The following KCNQ1 variants were observed in gnomAD, a reference collection of about 807,000 sequenced individuals.
The protein encoded by KCNQ1 is potassium voltage-gated channel subfamily Q member 1.
A neutral mutation model predicts 72.4 loss-of-function variants in KCNQ1; 49 were observed. The observed-to-expected ratio is 0.68, with a 90% CI of 0.54 to 0.86. KCNQ1 has a LOEUF of 0.86. Among genes scored for constraint, KCNQ1 ranks in the 40% least tolerant of loss-of-function variants. KCNQ1 has a pLI of 0.00. For missense variants in KCNQ1, 790 were observed against 945.1 expected, an observed-to-expected ratio of 0.84 and a Z score of 2.15; for synonymous variants, 450 against 412.6, an observed-to-expected ratio of 1.09 and a Z score of -1.10.
intron 12 of KCNQ1, among the ~76,000 whole-genome samples, chr11:2,771,168 A>G (rs909448992): frequency 6.6e-6 from 1 of 152,218 alleles, no homozygotes; most frequent in Admixed American, 6.5e-5. Flanking sequence ...GGCTGCTTCC[A>G]AGGTCTGGGG....
rs1846179460 is a variant in KCNQ1, at chr11:2,748,850, T to C, written c.1515-19994T>C. Among the ~76,000 whole-genome samples, 2 of 152,240 alleles carry C rather than the reference T, an allele frequency of 1.3e-5. No homozygotes were observed. Among genetic ancestry groups the C allele is most frequent in the African/African-American group, 4.8e-5 (2 of 41,472 alleles). On this transcript the variant is annotated intron_variant, in intron 11 of 15. Transcript: ENST00000155840. The surrounding 1 kb of genome is among the most constrained non-coding windows in gnomAD (Gnocchi z 6.2). ...TGGGGGCCAAGATCCCCACCTCTGG[T>C]CTGGCAGCTGGGTGTGCAGGGGCAG...
chr11:2,621,407 G>A lies in KCNQ1; in HGVS notation c.1393+32553G>A. On this transcript the variant is annotated intron_variant, in intron 10 of 15. Transcript: ENST00000155840. This position sits in a 1 kb window ranked among gnomAD's most constrained non-coding sequence, Gnocchi z 5.7. ...CAATTGGATTATTCGTTTTTTGCTT[G>A]TTGATTGGTTTAAGTTCCTTATGGA... 2.5e-6 allele frequency: 1 copy of A among 398,556 alleles called. No individual in the cohort carries two copies. The highest frequency in any genetic ancestry group is 4.4e-6 in the Non-Finnish European group (1 of 226,040). 24.7% of individuals were successfully genotyped at this position (398,556 alleles called of 1,614,324 possible). A position where few individuals can be genotyped will look rare whatever the true frequency, so the allele number is the denominator to read the frequency against.
intron 15 of KCNQ1, among the ~76,000 whole-genome samples, chr11:2,802,817 G>A (rs1007794721): frequency 1.3e-5 from 2 of 152,208 alleles, no homozygotes; most frequent in Non-Finnish European, 2.9e-5. Flanking sequence ...CCCGGAATGG[G>A]GAAGCTGAGT....
Position 2,764,149 on chromosome 11 carries a change from T to G in KCNQ1, c.1515-4695T>G, listed in dbSNP as rs1846455988. 6.6e-6 allele frequency among the ~76,000 whole-genome samples: 1 copy of G among 152,174 alleles called. No individual in the cohort carries two copies. The highest frequency in any genetic ancestry group is 1.5e-5 in the Non-Finnish European group (1 of 68,020). On this transcript the variant is annotated intron_variant, in intron 11 of 15. Transcript: ENST00000155840. The surrounding 1 kb of genome is among the most constrained non-coding windows in gnomAD (Gnocchi z 4.8). ...AGGAAAGCGTATCACATTTCACTAT[T>G]AAGTATGATGTCTGCTTAGGGTTTG...
intron 2 of KCNQ1, among the ~76,000 whole-genome samples, chr11:2,530,215 G>C (rs1847595486): frequency 6.6e-6 from 1 of 152,154 alleles, no homozygotes; most frequent in Non-Finnish European, 1.5e-5. Context: ...ACCTGCCCAG[G>C]ATCCCCAAGT....
At chr11:2,736,861 C>T (rs1281153705) in intron 11 of KCNQ1, among the ~76,000 whole-genome samples, 3 of 152,188 alleles carry the variant, frequency 2.0e-5, no homozygotes, top group Non-Finnish European at 2.9e-5. Context: ...GCCCACGGCT[C>T]AGGGACCCCA....
At chr11:2,699,321 A>C (rs953996638) in intron 11 of KCNQ1, 1 of 399,128 alleles carries the variant, frequency 2.5e-6, no homozygotes. Context: ...CGGGGCACAC[A>C]GCTCACCTCA....
At chr11:2,662,757 A>G (rs1361854296) in intron 11 of KCNQ1, 2 of 399,278 alleles carry the variant, frequency 5.0e-6, no homozygotes, top group Non-Finnish European at 8.8e-6. Context: ...TCTGGCTGCT[A>G]ACCCGTTGGG....
intron 1 of KCNQ1, among the ~76,000 whole-genome samples, chr11:2,487,028 G>C (rs1344965085): frequency 6.6e-6 from 1 of 152,176 alleles, no homozygotes; most frequent in Non-Finnish European, 1.5e-5. Context: ...TTAGATATTT[G>C]ATCCATTTTG....
In KCNQ1 at chr11:2,772,392, A is replaced by C. The variant is rs1028665665; in HGVS notation, c.1590+3473A>C. ...GTGTGCCTTGAACTCCCTGTCCACC[A>C]TCAGTCAGTCTGGACAGGCCTGCAT... On this transcript the variant is annotated intron_variant, in intron 12 of 15. Transcript: ENST00000155840. The surrounding 1 kb of genome is among the most constrained non-coding windows in gnomAD (Gnocchi z 6.6). Among the ~76,000 whole-genome samples, 52 of 152,178 alleles carry C rather than the reference A, an allele frequency of 3.4e-4. No homozygotes were observed. Among genetic ancestry groups the C allele is most frequent in the African/African-American group, 1.3e-3 (52 of 41,506 alleles).
chr11:2,615,210 A>G, intron 10 of KCNQ1: 2 of 398,186 alleles, frequency 5.0e-6, no homozygotes, highest in Admixed American at 4.4e-5. Flanking sequence ...CATTCCTGGT[A>G]TATAGAGGCA....
At chr11:2,789,614 G>A (rs993618897) in intron 15 of KCNQ1, among the ~76,000 whole-genome samples, 42 of 152,190 alleles carry the variant, frequency 2.8e-4, no homozygotes, top group Admixed American at 2.7e-3. Context: ...ACGCAGCTGG[G>A]AAGGGAGGCC....
intron 6 of KCNQ1, among the ~76,000 whole-genome samples, chr11:2,583,174 C>T (rs1168393085): frequency 1.3e-5 from 2 of 152,300 alleles, no homozygotes; most frequent in East Asian, 3.9e-4. Context: ...TCCCAGCCAG[C>T]AGGCCTGGCC....
intron 1 of KCNQ1, among the ~76,000 whole-genome samples, chr11:2,459,802 C>T (rs990411963): frequency 7.9e-5 from 12 of 152,118 alleles, no homozygotes; most frequent in Admixed American, 7.2e-4. Context: ...CAGGGATTCC[C>T]TTCTGCTTAA....
chr11:2,736,150 G>A (rs1173802904), intron 11 of KCNQ1, among the ~76,000 whole-genome samples: 2 of 152,202 alleles, frequency 1.3e-5, no homozygotes, highest in African/African-American at 2.4e-5. Flanking sequence ...CTGGGAAGGG[G>A]CCCAGGCTTC....
At chr11:2,692,753 G>A (rs1430454514) in intron 11 of KCNQ1, 9 of 398,520 alleles carry the variant, frequency 2.3e-5, no homozygotes, top group Non-Finnish European at 3.5e-5. Flanking sequence ...CTCCCTCTGG[G>A]CCAGGGTCTA....
rs139567841 is a variant in KCNQ1 at position 2,563,595 on chromosome 11, A to C, written c.478-7033A>C. Among the ~76,000 whole-genome samples the C allele has an allele frequency of 6.6e-6, 1 of 152,312 alleles. No homozygotes were observed. Among genetic ancestry groups the C allele is most frequent in the Non-Finnish European group, 1.5e-5 (1 of 68,028 alleles). ...CCCAGGGTCTGTCTGCCTAATGACAAGATTTCAGTACCAATAGCGAAGCCG... is the reference window on the plus strand; with the variant it reads ...CCCAGGGTCTGTCTGCCTAATGACACGATTTCAGTACCAATAGCGAAGCCG... On this transcript the variant is annotated intron_variant, in intron 2 of 15. Coordinates refer to ENST00000155840, the MANE Select transcript of KCNQ1 (RefSeq NM_000218.3). The surrounding 1 kb of genome is among the most constrained non-coding windows in gnomAD (Gnocchi z 7.4).
intron 10 of KCNQ1, among the ~76,000 whole-genome samples, chr11:2,589,307 G>A (rs1419924114): frequency 2.6e-5 from 4 of 152,172 alleles, no homozygotes; most frequent in Non-Finnish European, 4.4e-5. Context: ...GGGGCCTGAC[G>A]GGACAGGCCC....
chr11:2,841,061 C>T (rs1209942440), intron 15 of KCNQ1, among the ~76,000 whole-genome samples: 3 of 152,198 alleles, frequency 2.0e-5, no homozygotes, highest in Non-Finnish European at 2.9e-5. Flanking sequence ...GGCAAAACAC[C>T]AAGCAAGGAG....
Sources: allele counts gnomAD v4.1 joint callset (sites outside exome capture counted in the v4.1 genomes callset), GRCh38; gene constraint gnomAD v4.1.1; non-coding constraint Gnocchi (gnomAD v3.1); transcripts MANE v1.5; gene names NCBI Gene and HGNC (gene_info 2026-07-23, HGNC 2026-07-21).